SLC35D2: variants seen among roughly 807,000 people sequenced by gnomAD.
The protein encoded by SLC35D2 is nucleotide sugar transporter SLC35D2.
SLC35D2 carries 43 observed loss-of-function variants against 41.8 expected under a neutral mutation model. The ratio of observed to expected loss-of-function variants is 1.03; its 90% CI spans 0.81 to 1.33. SLC35D2 has a LOEUF of 1.33. SLC35D2 is among the 40% of genes most tolerant of loss of function. SLC35D2 has a pLI of 0.00. For missense variants in SLC35D2, 380 were observed against 408.4 expected (o/e 0.93, Z 0.60); for synonymous variants, 150 against 163.9 (o/e 0.92, Z 0.65).
At position 96,363,103 on chromosome 9, in the gene SLC35D2, G is replaced by A. The variant is rs376928052; in HGVS notation, c.279+1361C>T. ...AGGCTGGTCTTGATCTCTTGAACTCGTGATCTGCCTGCCTTGGCCTCCCGA... is the reference window on the plus strand; with the variant it reads ...AGGCTGGTCTTGATCTCTTGAACTCATGATCTGCCTGCCTTGGCCTCCCGA... On this transcript the variant is annotated intron_variant, in intron 3 of 11. Transcript: ENST00000253270. Among the ~76,000 whole-genome samples the A allele has an allele frequency of 2.7e-4, 41 of 151,502 alleles. No homozygotes were observed. In the East Asian group the frequency reaches 5.8e-3, roughly 22 times the overall value.
At chr9:96,370,514 G>A (rs557016740) in intron 1 of SLC35D2, among the ~76,000 whole-genome samples, 4 of 151,946 alleles carry the variant, frequency 2.6e-5, no homozygotes, top group Non-Finnish European at 5.9e-5. Context: ...AAAATTAGCC[G>A]GGCGTGGTGG....
Position 96,314,243 on chromosome 9 carries a change from CCT to C in SLC35D2, c.*1690_*1691del, listed in dbSNP as rs10537451. 9.0e-3 allele frequency: 1,360 copies of C among 151,618 alleles called. 29 individuals are homozygous for C. Among genetic ancestry groups the C allele is most frequent in the African/African-American group, 0.03 (1,242 of 40,976 alleles). 9.4% of individuals were successfully genotyped at this position (151,618 alleles called of 1,614,324 possible). ...TCCTGCCTGGGCAACAGAGCCAGAC[CCT>C]GTCTTCAAAAAAAAAGATTTTTAAA... On this transcript the variant is annotated 3_prime_UTR_variant and NMD_transcript_variant, in exon 12 of 12. Transcript: ENST00000650065.
chr9:96,333,570 G>A (rs1337125410), intron 9 of SLC35D2, among the ~76,000 whole-genome samples: 3 of 150,196 alleles, frequency 2.0e-5, no homozygotes, highest in Non-Finnish European at 4.4e-5. Context: ...ACTCCAGCCT[G>A]GGCGACAGAG....
Position 96,381,663 on chromosome 9 carries a change from G to A in SLC35D2, c.158+1814C>T, listed in dbSNP as rs888658509. On this transcript the variant is annotated intron_variant, in intron 1 of 11. Transcript: ENST00000253270. ...TACTGGCTCATTTATTGGTCCACAA[G>A]GATGCAGCTCCGTGAAGTTAAGGAT... Among the ~76,000 whole-genome samples the A allele has an allele frequency of 2.6e-5, 4 of 152,186 alleles. No homozygotes were observed. In the South Asian group the frequency reaches 8.3e-4, roughly 32 times the overall value.
chr9:96,333,214 A>T (rs1403596381), intron 9 of SLC35D2, among the ~76,000 whole-genome samples: 1 of 151,308 alleles, frequency 6.6e-6, no homozygotes, highest in East Asian at 2.0e-4. Context: ...TCAATTTCTA[A>T]AATGACTACT....
intron 8 of SLC35D2, among the ~76,000 whole-genome samples, chr9:96,342,095 T>C (rs1829354305): frequency 6.6e-6 from 1 of 151,924 alleles, no homozygotes; most frequent in South Asian, 2.1e-4. Context: ...TAAGAGTTCA[T>C]AATTTTTCTT....
chr9:96,362,294 G>A (rs1176857676), intron 3 of SLC35D2, among the ~76,000 whole-genome samples: 2 of 152,176 alleles, frequency 1.3e-5, no homozygotes, highest in African/African-American at 4.8e-5. Context: ...GATCACCTGA[G>A]GTCAGGAGTT....
At chr9:96,323,664 C>T (rs1236882845) in intron 10 of SLC35D2, among the ~76,000 whole-genome samples, 14 of 152,116 alleles carry the variant, frequency 9.2e-5, no homozygotes, top group African/African-American at 2.7e-4. Context: ...CGGTGGCTCA[C>T]GCCTGTAATC....
chr9:96,360,413 G>A (rs949523795), intron 3 of SLC35D2, among the ~76,000 whole-genome samples, 192 bp from the exon 4 acceptor site: 13 of 151,926 alleles, frequency 8.6e-5, no homozygotes, highest in African/African-American at 2.2e-4. Flanking sequence ...GGCGGATCAC[G>A]AGGTCAGGAG....
intron 9 of SLC35D2, among the ~76,000 whole-genome samples, chr9:96,327,618 CTTTTTCT>C (rs1828600844): frequency 6.6e-6 from 1 of 151,222 alleles, no homozygotes; most frequent in African/African-American, 2.4e-5. Flanking sequence ...TTTTCTTTTT[CTTTTTCT>C]TTTTTTTTTT....
chr9:96,336,383 C>CA (rs1380806790), intron 9 of SLC35D2, among the ~76,000 whole-genome samples: 1 of 152,112 alleles, frequency 6.6e-6, no homozygotes, highest in Non-Finnish European at 1.5e-5. Flanking sequence ...TCTTAAAAAA[C>CA]AAAAACCAAA....
intron 9 of SLC35D2, among the ~76,000 whole-genome samples, chr9:96,324,548 A>ATTTTTTTTTTTTTTTTTTTTTTTT: frequency 1.1e-5 from 1 of 88,480 alleles, no homozygotes; most frequent in East Asian, 5.2e-4. Flanking sequence ...CGCCTGCTGC[A>ATTTTTTTTTTTTTTTTTTTTTTTT]CTTTTTTTTT....
chr9:96,361,877 C>A (rs1271780668), intron 3 of SLC35D2, among the ~76,000 whole-genome samples: 1 of 152,136 alleles, frequency 6.6e-6, no homozygotes, highest in Non-Finnish European at 1.5e-5. Context: ...GCCTCCAGAA[C>A]TGTGAGGAGA....
At chr9:96,315,831 AG>A (rs1828039137), downstream of SLC35D2, among the ~76,000 whole-genome samples, 1 of 152,172 alleles carries the variant, frequency 6.6e-6, no homozygotes, top group Admixed American at 6.5e-5. Flanking sequence ...TTAAATACAT[AG>A]AATTATAACG....
chr9:96,343,393 T>G (rs2130906407), intron 8 of SLC35D2, among the ~76,000 whole-genome samples: 1 of 152,282 alleles, frequency 6.6e-6, no homozygotes, highest in Middle Eastern at 3.4e-3. Flanking sequence ...TTTAAAATAC[T>G]CCAGAGGAAC....
intron 9 of SLC35D2, among the ~76,000 whole-genome samples, chr9:96,332,948 TAGTAC>T (rs928766760): frequency 2.0e-5 from 3 of 150,506 alleles, no homozygotes; most frequent in Non-Finnish European, 4.4e-5. Context: ...CGCGAGGCTG[TAGTAC>T]AGTGGCACGA....
intron 8 of SLC35D2, among the ~76,000 whole-genome samples, 191 bp downstream of exon 8, chr9:96,343,713 G>A (rs557036110): frequency 6.6e-6 from 1 of 152,258 alleles, no homozygotes; most frequent in East Asian, 1.9e-4. Context: ...CTTGATATGT[G>A]GCTAAGGATA....
At chr9:96,318,350 C>T (rs1356049603), downstream of SLC35D2, among the ~76,000 whole-genome samples, 8 of 150,660 alleles carry the variant, frequency 5.3e-5, no homozygotes, top group Non-Finnish European at 8.9e-5. Flanking sequence ...CCCAGCTCCT[C>T]GGGAGGCTGA....
chr9:96,349,472 G>A (rs886637072), intron 6 of SLC35D2, among the ~76,000 whole-genome samples: 1 of 152,072 alleles, frequency 6.6e-6, no homozygotes, highest in African/African-American at 2.4e-5. Context: ...CTCTACCCCA[G>A]GCATGGGAAG....
Sources: gnomAD v4.1 joint callset for allele counts (sites outside exome capture counted in the v4.1 genomes callset) on GRCh38, gnomAD v4.1.1 for gene constraint, MANE v1.5 for transcripts, NCBI Gene and HGNC (gene_info 2026-07-23, HGNC 2026-07-21) for gene names.